SMARCAL1: variants seen among roughly 807,000 people sequenced by gnomAD.
SMARCAL1 encodes ATP-driven annealing helicase.
A neutral mutation model predicts 94.5 loss-of-function variants in SMARCAL1; 58 were observed. The ratio of observed to expected loss-of-function variants is 0.61; its 90% confidence interval spans 0.50 to 0.76. The LOEUF is 0.76. Among genes scored for constraint, SMARCAL1 ranks in the 30% least tolerant of loss-of-function variants. SMARCAL1 has a pLI of 0.00. For synonymous variants in SMARCAL1, 422 were observed against 455.1 expected, an observed-to-expected ratio of 0.93 and a Z score of 0.93; for missense variants, 1,051 against 1,177.9, an observed-to-expected ratio of 0.89 and a Z score of 1.58.
chr2:216,456,908 TAG>T (rs1336200160), intron 12 of SMARCAL1, among the ~76,000 whole-genome samples: 2 of 152,188 alleles, frequency 1.3e-5, no homozygotes, highest in Non-Finnish European at 2.9e-5. Context: ...GCAAATTGGA[TAG>T]AGAGTCAAGA....
In SMARCAL1 at chr2:216,448,691, A is replaced by T. The variant is rs1272002050; in HGVS notation, c.1851+1533A>T. 2.0e-5 allele frequency among the ~76,000 whole-genome samples: 3 copies of T among 152,102 alleles called. No individual in the cohort carries two copies. The East Asian group carries it at 5.8e-4, about 29-fold the overall frequency. ...AGGTCAAGTTTAAAATTTTTGCCGCATGCAGCGGTACACACATGTAGTCCC... is the reference window on the plus strand; with the variant it reads ...AGGTCAAGTTTAAAATTTTTGCCGCTTGCAGCGGTACACACATGTAGTCCC... On this transcript the variant is annotated intron_variant, in intron 11 of 17. Coordinates refer to ENST00000357276, the MANE Select transcript of SMARCAL1 (RefSeq NM_014140.4).
At chr2:216,439,254 C>T (rs1439219628) in intron 10 of SMARCAL1, among the ~76,000 whole-genome samples, 1 of 152,146 alleles carries the variant, frequency 6.6e-6, no homozygotes, top group Non-Finnish European at 1.5e-5. Flanking sequence ...TCATCTGTCT[C>T]TCTCTTCTGT....
chr2:216,447,083 G>T lies in SMARCAL1; in HGVS notation c.1776G>T (p.Thr592=), dbSNP rs372995559. The T allele has an allele frequency of 6.2e-7, 1 of 1,613,972 alleles. No individual in the cohort carries two copies. Among genetic ancestry groups the T allele is most frequent in the Non-Finnish European group, 8.5e-7 (1 of 1,180,004 alleles). ...PAMSRPAELY[T]QIIAVKPTFF... is the part of the protein sequence containing the mutation. ...TGTCCCGGCCCGCAGAGCTCTACACGCAGATCATCGCAGTCAAGCCAACTT... is the reference window on the plus strand; with the variant it reads ...TGTCCCGGCCCGCAGAGCTCTACACTCAGATCATCGCAGTCAAGCCAACTT... The change falls in exon 11 of 18, where the codon ACG becomes ACT. Residue 592 remains threonine, a synonymous_variant. Transcript: ENST00000357276.
Position 216,478,287 on chromosome 2 carries a change from TTACCTC to T in SMARCAL1, c.2617_2622del (p.Leu873_Tyr874del), listed in dbSNP as rs1232311563. ...TTTCAGAAATGACAGAATCCACTGA[TTACCTC>T]TACAAGGTAATGCCAGCACATGGCT... On this transcript the variant is annotated inframe_deletion, in exon 17 of 18. Coordinates refer to ENST00000357276, the MANE Select transcript of SMARCAL1 (RefSeq NM_014140.4). The T allele has an allele frequency of 1.2e-6, 2 of 1,613,090 alleles. No homozygotes were observed. The highest frequency in any genetic ancestry group is 1.7e-5 in the Admixed American group (1 of 60,026).
At chr2:216,417,827 C>G (rs1042417382) in intron 4 of SMARCAL1, among the ~76,000 whole-genome samples, 9 of 152,088 alleles carry the variant, frequency 5.9e-5, no homozygotes, top group African/African-American at 2.2e-4. Flanking sequence ...TCCCCTGTTG[C>G]GGTTGTTTTG....
At chr2:216,464,701 C>G (rs775289970) in intron 13 of SMARCAL1, 34 bp downstream of exon 13, 20 of 1,324,470 alleles carry the variant, frequency 1.5e-5, no homozygotes, top group Non-Finnish European at 2.0e-5. Context: ...CTCTCTCTCT[C>G]TCATCTTCAA....
intron 7 of SMARCAL1, among the ~76,000 whole-genome samples, chr2:216,431,178 C>G (rs1054173856): frequency 1.3e-5 from 2 of 152,236 alleles, no homozygotes; most frequent in African/African-American, 4.8e-5. Flanking sequence ...ATTTGCTGCC[C>G]AGTTTTCCAT....
At chr2:216,444,909 A>G (rs1390841701) in intron 10 of SMARCAL1, among the ~76,000 whole-genome samples, 2 of 152,218 alleles carry the variant, frequency 1.3e-5, no homozygotes, top group Non-Finnish European at 2.9e-5. Flanking sequence ...AACTCAGCCT[A>G]TTCTGCAGGG....
intron 3 of SMARCAL1, 71 bp from the exon 4 acceptor site, chr2:216,416,186 T>C: frequency 7.5e-7 from 1 of 1,325,180 alleles, no homozygotes. Flanking sequence ...TTCATTCATT[T>C]AGAAGACAAG....
intron 7 of SMARCAL1, among the ~76,000 whole-genome samples, chr2:216,430,929 A>G (rs1693948023): frequency 6.6e-6 from 1 of 152,248 alleles, no homozygotes; most frequent in South Asian, 2.1e-4. Context: ...GAAATGGTCC[A>G]GAAGATTTCA....
At chr2:216,467,492 A>T (rs1330014429) in intron 13 of SMARCAL1, among the ~76,000 whole-genome samples, 1 of 149,678 alleles carries the variant, frequency 6.7e-6, no homozygotes, top group Non-Finnish European at 1.5e-5. Flanking sequence ...AAAAAAAAAA[A>T]GGGTGGGAAG....
chr2:216,482,824 G>A lies in SMARCAL1; in HGVS notation c.2712G>A (p.Glu904=), dbSNP rs150767214. Residue 904 remains glutamate, a synonymous_variant, in exon 18 of 18, where the codon GAG becomes GAA. Coordinates refer to ENST00000357276, the MANE Select transcript of SMARCAL1 (RefSeq NM_014140.4). This position sits in a 1 kb window ranked among gnomAD's most constrained non-coding sequence, Gnocchi z 4.3. ...ATATGGAGCTCCTGGAAGCAGCAGA[G>A]TCCTTTGACCCAGGAAGTGCTTCAG... ...GSDMELLEAA[E]SFDPGSASGT... 22 of 1,614,172 alleles carry A rather than the reference G, an allele frequency of 1.4e-5. No homozygotes were observed. The African/African-American group carries it at 2.9e-4, about 22-fold the overall frequency.
rs769240444 is a variant in SMARCAL1, at chr2:216,435,423, TC to T, written c.1572del (p.Asn525ThrfsTer15). The T allele has an allele frequency of 1.2e-6, 2 of 1,614,188 alleles. No homozygotes were observed. The highest frequency in any genetic ancestry group is 8.5e-7 in the Non-Finnish European group (1 of 1,180,028). ...TGKDRLTAGLINIVSFDLLSK... is the reference protein window; with the variant it reads ...TGKDRLTAGLXNIVSFDLLSK... ...AAGGACCGCCTGACAGCTGGCCTGA[TC>T]AACATTGTCAGCTTTGACCTTCTTA... is the stretch of plus-strand genomic sequence containing the variant. On this transcript the variant is annotated frameshift_variant, in exon 9 of 18. Coordinates refer to ENST00000357276, the MANE Select transcript of SMARCAL1 (RefSeq NM_014140.4). LOFTEE classifies it high-confidence loss of function.
chr2:216,439,369 A>G (rs2106041536), intron 10 of SMARCAL1, among the ~76,000 whole-genome samples: 1 of 152,188 alleles, frequency 6.6e-6, no homozygotes, highest in East Asian at 1.9e-4. Flanking sequence ...AGAGGGAAGG[A>G]GAAGTACAAT....
chr2:216,468,401 T>C (rs1243971638), intron 14 of SMARCAL1, among the ~76,000 whole-genome samples: 3 of 152,214 alleles, frequency 2.0e-5, no homozygotes, highest in Non-Finnish European at 4.4e-5. Flanking sequence ...GTTTTCCTCT[T>C]TTCCTTCCTT....
intron 14 of SMARCAL1, among the ~76,000 whole-genome samples, chr2:216,470,071 G>A (rs1175414864): frequency 2.0e-5 from 3 of 151,866 alleles, no homozygotes; most frequent in Admixed American, 2.0e-4. Context: ...TTTTCTGTTG[G>A]ATTGTTTTTT....
chr2:216,472,899 G>C (rs1461217084), intron 14 of SMARCAL1, among the ~76,000 whole-genome samples: 2 of 152,128 alleles, frequency 1.3e-5, no homozygotes, highest in Admixed American at 6.5e-5. Context: ...AAAGCAATTT[G>C]GCAATAATAT....
chr2:216,413,266 C>T (rs1289520305), intron 1 of SMARCAL1, among the ~76,000 whole-genome samples: 3 of 152,204 alleles, frequency 2.0e-5, no homozygotes, highest in African/African-American at 7.2e-5. Context: ...CCTACATCAT[C>T]ATTGTAACCG....
chr2:216,413,275 C>A (rs935177098), intron 1 of SMARCAL1, among the ~76,000 whole-genome samples: 1 of 152,162 alleles, frequency 6.6e-6, no homozygotes, highest in South Asian at 2.1e-4. Context: ...TCATTGTAAC[C>A]GTTACACAGC....
Sources: gnomAD v4.1 joint callset for allele counts (sites outside exome capture counted in the v4.1 genomes callset) on GRCh38, gnomAD v4.1.1 for gene constraint, Gnocchi (gnomAD v3.1) non-coding constraint, MANE v1.5 for transcripts, NCBI Gene and HGNC (gene_info 2026-07-23, HGNC 2026-07-21) for gene names.